LRRC8B: variants seen among roughly 807,000 people sequenced by gnomAD.
The protein encoded by LRRC8B is leucine rich repeat containing 8 VRAC subunit B, also known as volume-regulated anion channel subunit LRRC8B.
A neutral mutation model predicts 58.8 loss-of-function variants in LRRC8B; 23 were observed. That is an observed-to-expected ratio of 0.39 (90% CI 0.28 to 0.55). LRRC8B has a LOEUF of 0.55. LRRC8B is among the 20% of genes least tolerant of loss of function. LRRC8B has a pLI of 0.62. For missense variants in LRRC8B, 694 were observed against 936.0 expected (o/e 0.74, Z 3.37); for synonymous variants, 359 against 374.1 (o/e 0.96, Z 0.47).
At position 89,553,297 on chromosome 1, in the gene LRRC8B, A is replaced by G. The variant is rs546814872; in HGVS notation, c.-240-14950A>G. 4.6e-5 allele frequency among the ~76,000 whole-genome samples: 7 copies of G among 152,350 alleles called. No homozygotes were observed. In the East Asian group the frequency reaches 7.7e-4, roughly 17 times the overall value. On this transcript the variant is annotated intron_variant, in intron 1 of 5. Transcript: ENST00000330947. ...TGTGCAACAAATGAAATGTTTGTCC[A>G]TAATTAGAGTAATTGTAACTTGATT...
At chr1:89,545,689 C>G (rs1279016116) in intron 1 of LRRC8B, among the ~76,000 whole-genome samples, 1 of 152,204 alleles carries the variant, frequency 6.6e-6, no homozygotes, top group African/African-American at 2.4e-5. Flanking sequence ...AGGTTTCCTG[C>G]TTTCAAGGCC....
intron 1 of LRRC8B, among the ~76,000 whole-genome samples, chr1:89,539,573 T>C (rs9428043): frequency 0.5 from 76,312 of 152,042 alleles, 19,385 homozygotes; most frequent in South Asian, 0.55. Flanking sequence ...GAAAGACTAA[T>C]GGGAGTCTGC....
intron 1 of LRRC8B, among the ~76,000 whole-genome samples, chr1:89,530,053 A>G (rs1649995789): frequency 6.6e-6 from 1 of 152,126 alleles, no homozygotes; most frequent in Admixed American, 6.5e-5. Context: ...TGAGGTTGTT[A>G]TAAAGGAGAC....
chr1:89,554,476 A>T (rs545361784), intron 1 of LRRC8B, among the ~76,000 whole-genome samples: 2 of 152,322 alleles, frequency 1.3e-5, no homozygotes, highest in Admixed American at 1.3e-4. Context: ...TCACCAATGC[A>T]TAAGCTCCTT....
chr1:89,577,349 A>G (rs944158968), intron 3 of LRRC8B, among the ~76,000 whole-genome samples: 6 of 152,206 alleles, frequency 3.9e-5, no homozygotes, highest in Non-Finnish European at 8.8e-5. Context: ...CTTTGGAGTA[A>G]GATTGTCAAG....
intron 1 of LRRC8B, among the ~76,000 whole-genome samples, chr1:89,566,427 C>T (rs1026282215): frequency 1.3e-5 from 2 of 152,146 alleles, no homozygotes; most frequent in African/African-American, 4.8e-5. Flanking sequence ...TTTAATTTTA[C>T]ATAGTAAAGC....
chr1:89,585,500 A>G (rs1654554565), intron 5 of LRRC8B, among the ~76,000 whole-genome samples: 1 of 152,160 alleles, frequency 6.6e-6, no homozygotes, highest in African/African-American at 2.4e-5. Context: ...GGAAAAATTC[A>G]CTGTAGTCTA....
intron 1 of LRRC8B, among the ~76,000 whole-genome samples, chr1:89,556,133 C>T (rs568352748): frequency 7.2e-5 from 11 of 152,058 alleles, no homozygotes; most frequent in Non-Finnish European, 1.2e-4. Context: ...CAGTCACTAA[C>T]GGCCAATGTT....
intron 3 of LRRC8B, among the ~76,000 whole-genome samples, chr1:89,574,122 G>T (rs964579289): frequency 1.3e-5 from 2 of 152,222 alleles, no homozygotes; most frequent in African/African-American, 2.4e-5. Flanking sequence ...GCCGAAGCTG[G>T]GCTCCCAGCC....
intron 1 of LRRC8B, among the ~76,000 whole-genome samples, chr1:89,551,531 T>G (rs1005984082): frequency 1.3e-5 from 2 of 152,212 alleles, no homozygotes; most frequent in Non-Finnish European, 2.9e-5. Flanking sequence ...ACTTTATAAG[T>G]GTTTTAAGGA....
At chr1:89,533,386 A>G (rs1015801777) in intron 1 of LRRC8B, among the ~76,000 whole-genome samples, 1 of 152,172 alleles carries the variant, frequency 6.6e-6, no homozygotes, top group Non-Finnish European at 1.5e-5. Context: ...GTGTGCAGTC[A>G]TACCCCCATA....
chr1:89,548,814 G>T (rs938060214), intron 1 of LRRC8B, among the ~76,000 whole-genome samples: 2 of 152,140 alleles, frequency 1.3e-5, no homozygotes, highest in African/African-American at 4.8e-5. Flanking sequence ...CTTTGCTGCA[G>T]TTTTTCCCAT....
chr1:89,544,984 G>T (rs1037347893), intron 1 of LRRC8B, among the ~76,000 whole-genome samples: 23 of 152,134 alleles, frequency 1.5e-4, no homozygotes, highest in African/African-American at 4.8e-4. Context: ...AATTTTTAAC[G>T]TAATAGGAAG....
intron 3 of LRRC8B, among the ~76,000 whole-genome samples, chr1:89,575,501 A>G (rs1653773776): frequency 6.6e-6 from 1 of 152,138 alleles, no homozygotes; most frequent in African/African-American, 2.4e-5. Flanking sequence ...AGCCAACACT[A>G]TGAAGTAAAA....
At chr1:89,530,361 A>AATT (rs1557589180) in intron 1 of LRRC8B, among the ~76,000 whole-genome samples, 1 of 138,804 alleles carries the variant, frequency 7.2e-6, no homozygotes, top group Admixed American at 7.5e-5. Flanking sequence ...TCTGTCTCCA[A>AATT]AAATAAATAA....
chr1:89,547,704 T>C (rs1651511257), intron 1 of LRRC8B, among the ~76,000 whole-genome samples: 1 of 151,108 alleles, frequency 6.6e-6, no homozygotes, highest in African/African-American at 2.4e-5. Flanking sequence ...TCTCATTAAA[T>C]AAAATCAAGA....
At chr1:89,589,456 T>C (rs1654840737) in intron 5 of LRRC8B, among the ~76,000 whole-genome samples, 1 of 152,094 alleles carries the variant, frequency 6.6e-6, no homozygotes, top group Non-Finnish European at 1.5e-5. Context: ...GCATTGATTG[T>C]AATGGAGAGA....
chr1:89,569,954 C>T (rs1360789533), intron 3 of LRRC8B, among the ~76,000 whole-genome samples: 1 of 152,112 alleles, frequency 6.6e-6, no homozygotes, highest in East Asian at 1.9e-4. Context: ...TAAGTAAGAA[C>T]ATGTGGCTTG....
intron 1 of LRRC8B, among the ~76,000 whole-genome samples, chr1:89,560,434 G>A (rs1290544137): frequency 6.7e-6 from 1 of 149,318 alleles, no homozygotes; most frequent in African/African-American, 2.5e-5. Flanking sequence ...TGTGCACATT[G>A]TGCAGGTTAG....
Sources: allele counts gnomAD v4.1 joint callset (sites outside exome capture counted in the v4.1 genomes callset), GRCh38; gene constraint gnomAD v4.1.1; transcripts MANE v1.5; gene names NCBI Gene and HGNC (gene_info 2026-07-23, HGNC 2026-07-21).